Variants in PFKFB3 observed in about 807,000 individuals in gnomAD.
PFKFB3 encodes 6-phosphofructo-2-kinase/fructose-2,6-biphosphatase 3, also known as 6-phosphofructo-2-kinase/fructose-2,6-bisphosphatase 3.
In PFKFB3, 33 loss-of-function variants were observed where a neutral mutation model predicts 68.0. That is an observed-to-expected ratio of 0.49 (90% CI 0.37 to 0.65). The LOEUF (loss-of-function observed/expected upper bound fraction) is 0.65, where lower values mean the gene tolerates loss of function less well. Ranked by LOEUF, PFKFB3 falls within the 30% of genes least tolerant of loss-of-function variation. PFKFB3 has a pLI of 0.00. For missense variants in PFKFB3, 586 were observed against 712.2 expected (o/e 0.82, Z 2.02); for synonymous variants, 315 against 288.2 (o/e 1.09, Z -0.94).
intron 11 of PFKFB3, 24 bp downstream of exon 11, chr10:6,223,008 C>G: frequency 6.2e-7 from 1 of 1,605,690 alleles, no homozygotes; most frequent in Non-Finnish European, 8.5e-7. Flanking sequence ...GTCGTGGCCC[C>G]GGGATGGAGG....
At chr10:6,285,448 G>A in the PFKFB3 span, among the ~76,000 whole-genome samples, 2 of 152,084 alleles carry the variant, frequency 1.3e-5, no homozygotes, top group South Asian at 4.2e-4. Context: ...GGTCAGGCTG[G>A]TCTCAAACTC....
At chr10:6,304,566 G>A in the PFKFB3 span, among the ~76,000 whole-genome samples, 2 of 150,910 alleles carry the variant, frequency 1.3e-5, no homozygotes, top group Non-Finnish European at 2.9e-5. Context: ...TCACCATGTT[G>A]ACCAGGCTGA....
the PFKFB3 span, among the ~76,000 whole-genome samples, chr10:6,302,385 T>G: frequency 1.6e-4 from 20 of 128,196 alleles, no homozygotes; most frequent in African/African-American, 5.3e-4. Flanking sequence ...TTTTTTTTTT[T>G]TTTTTTTTTT....
chr10:6,231,833 C>G (rs868738010), intron 14 of PFKFB3, among the ~76,000 whole-genome samples: 5 of 151,726 alleles, frequency 3.3e-5, no homozygotes, highest in Middle Eastern at 3.4e-3. Context: ...GGGCACTCAT[C>G]ACCTCCCGGT....
intron 1 of PFKFB3, among the ~76,000 whole-genome samples, chr10:6,196,769 A>G (rs1455069413): frequency 2.0e-5 from 3 of 151,992 alleles, no homozygotes; most frequent in Non-Finnish European, 2.9e-5. Flanking sequence ...CAACACCCTC[A>G]CAGACACACC....
chr10:6,228,237 A>C lies in PFKFB3; in HGVS notation c.1515+1872A>C. The C allele has an allele frequency of 1.2e-6, 2 of 1,612,574 alleles. No individual in the cohort carries two copies. Among genetic ancestry groups the C allele is most frequent in the Non-Finnish European group, 1.7e-6 (2 of 1,179,702 alleles). ...CCTGTCTGTAAGTATCTCTCCGATC[A>C]TCGCTGCTGCTTGCACTGCTTTCTT... On this transcript the variant is annotated intron_variant, in intron 14 of 14. Coordinates refer to ENST00000379775, the MANE Select transcript of PFKFB3 (RefSeq NM_004566.4). This position sits in a 1 kb window ranked among gnomAD's most constrained non-coding sequence, Gnocchi z 4.5.
the PFKFB3 span, among the ~76,000 whole-genome samples, chr10:6,295,247 G>A: frequency 1.3e-5 from 2 of 151,944 alleles, no homozygotes; most frequent in African/African-American, 2.4e-5. Flanking sequence ...TTGAGAAGGA[G>A]TCTCACTCTT....
At chr10:6,276,848 G>GTGTGTGTC in the PFKFB3 span, among the ~76,000 whole-genome samples, 1 of 151,564 alleles carries the variant, frequency 6.6e-6, no homozygotes, top group East Asian at 1.9e-4. Flanking sequence ...TTGTGTGTGT[G>GTGTGTGTC]TGTGTGTGTG....
chr10:6,192,344 G>A (rs1414622187), intron 1 of PFKFB3, among the ~76,000 whole-genome samples: 1 of 146,938 alleles, frequency 6.8e-6, no homozygotes, highest in African/African-American at 2.5e-5. Context: ...TCCAAAACCT[G>A]CCCGTTTTTT....
At chr10:6,198,342 G>C (rs1843231042), upstream of PFKFB3, among the ~76,000 whole-genome samples, 1 of 152,272 alleles carries the variant, frequency 6.6e-6, no homozygotes. Flanking sequence ...GAAACTTACT[G>C]GAGGGTTTGC....
At chr10:6,243,915 G>A (rs1159096559) in intron 14 of PFKFB3, among the ~76,000 whole-genome samples, 1 of 152,106 alleles carries the variant, frequency 6.6e-6, no homozygotes, top group African/African-American at 2.4e-5. Flanking sequence ...TGTAGAGATA[G>A]GGCCTCACTA....
chr10:6,179,755 C>G (rs1168585835), intron 1 of PFKFB3, among the ~76,000 whole-genome samples: 4 of 152,094 alleles, frequency 2.6e-5, no homozygotes, highest in African/African-American at 9.7e-5. Flanking sequence ...TCTGAGCATG[C>G]AGACGCCAGG....
chr10:6,309,265 G>C, the PFKFB3 span, among the ~76,000 whole-genome samples: 5,400 of 152,260 alleles, frequency 0.035, 145 homozygotes, highest in Middle Eastern at 0.15. Context: ...GGTGTAATAA[G>C]AGTATTATAA....
In PFKFB3 at chr10:6,228,652, C is replaced by T. The variant is rs1845518897; in HGVS notation, c.1515+2287C>T. On this transcript the variant is annotated intron_variant, in intron 14 of 14. Transcript: ENST00000379775. The surrounding 1 kb of genome is among the most constrained non-coding windows in gnomAD (Gnocchi z 4.5). ...TCCTTTGTTTTGGAAGGAAAACTTA[C>T]TCAGAGCCTAATCTGTAAACCAAAC... Among the ~76,000 whole-genome samples, 1 of 151,304 alleles carries T rather than the reference C, an allele frequency of 6.6e-6. No individual in the cohort carries two copies. The highest frequency in any genetic ancestry group is 6.6e-5 in the Admixed American group (1 of 15,158).
At chr10:6,268,776 C>G in the PFKFB3 span, among the ~76,000 whole-genome samples, 1 of 151,130 alleles carries the variant, frequency 6.6e-6, no homozygotes, top group African/African-American at 2.4e-5. Context: ...AATCCCAGCA[C>G]TTTGAGAGGC....
intron 1 of PFKFB3, among the ~76,000 whole-genome samples, chr10:6,213,029 C>A (rs982839548): frequency 6.6e-6 from 1 of 152,164 alleles, no homozygotes; most frequent in Non-Finnish European, 1.5e-5. Context: ...GGAGCATTTC[C>A]ACTTTCACTG....
Position 6,216,156 on chromosome 10 carries a change from A to G in PFKFB3, c.331A>G (p.Lys111Glu), listed in dbSNP as rs753980509. 1.2e-6 allele frequency: 2 copies of G among 1,614,154 alleles called. No homozygotes were observed. Among genetic ancestry groups the G allele is most frequent in the South Asian group, 1.1e-5 (1 of 91,084 alleles). ...TGCCTTAGCTGCCTTGAGAGATGTC[A>G]AAAGCTACCTGGCGAAAGAAGGGGG... Reference protein sequence around the residue: ...QCALAALRDVKSYLAKEGGQI... With the variant: ...QCALAALRDVESYLAKEGGQI... Residue 111 changes from lysine (K) to glutamate (E), a missense_variant, in exon 4 of 15, where the codon AAA becomes GAA. Transcript: ENST00000379775.
At chr10:6,305,988 A>AT in the PFKFB3 span, among the ~76,000 whole-genome samples, 2 of 151,672 alleles carry the variant, frequency 1.3e-5, no homozygotes, top group Non-Finnish European at 1.5e-5. Flanking sequence ...TGTTTCCTTT[A>AT]TTTTTTTGTT....
rs533611584 is a variant in PFKFB3, at chr10:6,226,482, C to T, written c.1515+117C>T. On this transcript the variant is annotated intron_variant, in intron 14 of 14. Transcript: ENST00000379775. Reference sequence around the variant, plus strand: ...ATACGTGCGTGGGTGCGTGTGGGTGCGCGTGCGTATGTTGTAGGTGTCTGT... The same window carrying T: ...ATACGTGCGTGGGTGCGTGTGGGTGTGCGTGCGTATGTTGTAGGTGTCTGT... The T allele has an allele frequency of 5.1e-4, 477 of 939,386 alleles. 1 individual carries two copies. The highest frequency in any genetic ancestry group is 2.6e-3 in the South Asian group (159 of 60,996). The allele number at this position is 939,386 out of a possible 1,614,324, so 58.2% of individuals were successfully genotyped here.
Sources: allele counts gnomAD v4.1 joint callset (sites outside exome capture counted in the v4.1 genomes callset), GRCh38; gene constraint gnomAD v4.1.1; non-coding constraint Gnocchi (gnomAD v3.1); transcripts MANE v1.5; gene names NCBI Gene and HGNC (gene_info 2026-07-23, HGNC 2026-07-21).